Variants in CHD9 observed in about 807,000 individuals in gnomAD.
CHD9 encodes ATP-dependent chromatin remodeler CHD9.
In CHD9, 77 loss-of-function variants were observed where a neutral mutation model predicts 316.1. That is an observed-to-expected ratio of 0.24 (90% confidence interval 0.20 to 0.29). The LOEUF is 0.29. CHD9 is among the 10% of genes least tolerant of loss of function. The pLI is 1.00. For missense variants in CHD9, 2,763 were observed against 3,438.1 expected, an observed-to-expected ratio of 0.80 and a Z score of 4.91; for synonymous variants, 1,129 against 1,158.3, an observed-to-expected ratio of 0.97 and a Z score of 0.51.
chr16:53,232,527 A>G (rs2048266940), intron 10 of CHD9, among the ~76,000 whole-genome samples: 3 of 152,286 alleles, frequency 2.0e-5, no homozygotes, highest in Admixed American at 1.3e-4. Flanking sequence ...TAAATAATGT[A>G]GGAGGTGTTT....
chr16:53,159,533 AT>A (rs1421332606), intron 2 of CHD9, among the ~76,000 whole-genome samples: 3 of 152,232 alleles, frequency 2.0e-5, no homozygotes, highest in Admixed American at 1.3e-4. Flanking sequence ...TTAGGGATCC[AT>A]TTTTCATTTT....
intron 19 of CHD9, among the ~76,000 whole-genome samples, chr16:53,260,119 T>A (rs945593124): frequency 6.6e-6 from 1 of 152,222 alleles, no homozygotes; most frequent in African/African-American, 2.4e-5. Context: ...AACATACTTA[T>A]TTTATACAGC....
At chr16:53,113,568 C>T (rs185398420) in intron 1 of CHD9, among the ~76,000 whole-genome samples, 38 of 152,080 alleles carry the variant, frequency 2.5e-4, no homozygotes, top group African/African-American at 8.7e-4. Context: ...GCCTCAGCCC[C>T]GCAAAGTGCT....
chr16:53,321,267 C>A, intron 37 of CHD9: 1 of 1,345,082 alleles, frequency 7.4e-7, no homozygotes, highest in Non-Finnish European at 9.7e-7. Flanking sequence ...TATGGCCTGT[C>A]CAGCATGGTA....
chr16:53,171,979 G>A (rs540707345), intron 2 of CHD9, among the ~76,000 whole-genome samples: 14 of 151,182 alleles, frequency 9.3e-5, no homozygotes, highest in African/African-American at 2.7e-4. Flanking sequence ...TTTTAGTTTT[G>A]TACTCTATAA....
intron 19 of CHD9, among the ~76,000 whole-genome samples, chr16:53,256,890 C>A (rs2050656563): frequency 1.3e-5 from 2 of 152,074 alleles, no homozygotes; most frequent in Admixed American, 1.3e-4. Context: ...AGTACAGGTG[C>A]TGTACCAAAG....
intron 38 of CHD9, among the ~76,000 whole-genome samples, chr16:53,322,070 T>C (rs2057310405): frequency 6.7e-6 from 1 of 150,326 alleles, no homozygotes; most frequent in Non-Finnish European, 1.5e-5. Flanking sequence ...CAACCTTGGC[T>C]CACTGCAACC....
intron 2 of CHD9, among the ~76,000 whole-genome samples, chr16:53,159,458 A>G (rs1391837855): frequency 6.6e-6 from 1 of 152,202 alleles, no homozygotes; most frequent in Non-Finnish European, 1.5e-5. Context: ...AAATGCTTCA[A>G]TACCTTGGTT....
chr16:53,196,372 G>T (rs1203938591), intron 2 of CHD9, among the ~76,000 whole-genome samples: 1 of 152,110 alleles, frequency 6.6e-6, no homozygotes, highest in Non-Finnish European at 1.5e-5. Context: ...CCACTAAGTA[G>T]ACTGAAATAG....
At chr16:53,304,948 C>T (rs1414912193) in intron 31 of CHD9, among the ~76,000 whole-genome samples, 4 of 152,170 alleles carry the variant, frequency 2.6e-5, no homozygotes, top group African/African-American at 9.6e-5. Flanking sequence ...CCCGCCTCAG[C>T]CTCCCAAAGT....
At position 53,324,502 on chromosome 16, in the gene CHD9, A is replaced by G; in HGVS notation, c.8301A>G (p.Glu2767=). 1 of 1,613,830 alleles carries G rather than the reference A, an allele frequency of 6.2e-7. No individual in the cohort carries two copies. Among genetic ancestry groups the G allele is most frequent in the East Asian group, 2.2e-5 (1 of 44,890 alleles). The part of the protein sequence containing the change: ...TESQSSENGG[E]NSVSSSPSTS... ...GCCAAAGTTCAGAGAATGGTGGAGA[A>G]AACTCTGTGTCAAGTTCTCCTTCCA... Residue 2767 remains glutamate, a synonymous_variant, in exon 39 of 39, where the codon GAA becomes GAG. Coordinates refer to ENST00000447540, the MANE Select transcript of CHD9 (RefSeq NM_001308319.2).
chr16:53,271,165 A>G (rs929900618), intron 22 of CHD9, among the ~76,000 whole-genome samples: 1 of 151,940 alleles, frequency 6.6e-6, no homozygotes, highest in Admixed American at 6.6e-5. Context: ...ACTATGCTCC[A>G]TCCCTTCAGT....
intron 20 of CHD9, among the ~76,000 whole-genome samples, chr16:53,264,048 A>T (rs1315869007): frequency 2.6e-5 from 4 of 152,040 alleles, no homozygotes; most frequent in Non-Finnish European, 5.9e-5. Context: ...AAAAAAAAAG[A>T]TATAGAACAC....
intron 2 of CHD9, among the ~76,000 whole-genome samples, chr16:53,186,243 A>T (rs1027604353): frequency 6.6e-6 from 1 of 152,218 alleles, no homozygotes; most frequent in Non-Finnish European, 1.5e-5. Context: ...CACCTCTTGT[A>T]TCAGCATGCC....
chr16:53,114,382 C>T (rs957993062), intron 1 of CHD9, among the ~76,000 whole-genome samples: 7 of 151,844 alleles, frequency 4.6e-5, no homozygotes, highest in East Asian at 1.9e-4. Flanking sequence ...CTCAGCCTCC[C>T]GAGTGGCTGG....
intron 1 of CHD9, among the ~76,000 whole-genome samples, chr16:53,119,662 G>C (rs962476562): frequency 6.6e-6 from 1 of 151,964 alleles, no homozygotes; most frequent in Non-Finnish European, 1.5e-5. Context: ...GTGAAATCTC[G>C]TCTCTACTAA....
intron 2 of CHD9, among the ~76,000 whole-genome samples, chr16:53,195,587 A>G (rs188920171): frequency 5.9e-4 from 90 of 152,152 alleles, no homozygotes; most frequent in African/African-American, 2.0e-3. Flanking sequence ...TTTCCTTGCA[A>G]CTGTAGAACT....
intron 1 of CHD9, among the ~76,000 whole-genome samples, chr16:53,068,704 G>T (rs939020099): frequency 6.6e-6 from 1 of 152,098 alleles, no homozygotes; most frequent in Non-Finnish European, 1.5e-5. Flanking sequence ...AACAATTCTC[G>T]TCTTTGTTCA....
intron 3 of CHD9, 115 bp from the exon 4 acceptor site, chr16:53,222,529 G>A (rs2152906304): frequency 3.3e-6 from 2 of 603,574 alleles, no homozygotes; most frequent in Non-Finnish European, 6.0e-6. Context: ...ATCATCCTTG[G>A]TTGGACATGC....
Sources: allele counts gnomAD v4.1 joint callset (sites outside exome capture counted in the v4.1 genomes callset), GRCh38; gene constraint gnomAD v4.1.1; transcripts MANE v1.5; gene names NCBI Gene and HGNC (gene_info 2026-07-23, HGNC 2026-07-21).